FAP: variants seen among roughly 807,000 people sequenced by gnomAD.
The protein encoded by FAP is fibroblast activation protein alpha.
In FAP, 110 loss-of-function variants were observed where a neutral mutation model predicts 126.5. The ratio of observed to expected loss-of-function variants is 0.87; its 90% CI spans 0.74 to 1.02. The LOEUF (loss-of-function observed/expected upper bound fraction) is 1.02, where lower values mean the gene tolerates loss of function less well. Among genes scored for constraint, FAP ranks in the 50% least tolerant of loss-of-function variants. The pLI, the probability that FAP is intolerant of heterozygous loss-of-function variation, is 0.00. For synonymous variants in FAP, 334 were observed against 297.3 expected (o/e 1.12, Z -1.27); for missense variants, 919 against 909.2 (o/e 1.01, Z -0.14).
At chr2:162,218,813 A>G (rs1313284177) in intron 8 of FAP, among the ~76,000 whole-genome samples, 1 of 152,078 alleles carries the variant, frequency 6.6e-6, no homozygotes, top group African/African-American at 2.4e-5. Context: ...AGGACCATAT[A>G]CTTTTTTGGA....
chr2:162,213,659 A>G (rs924603247), intron 11 of FAP, among the ~76,000 whole-genome samples: 16 of 152,094 alleles, frequency 1.1e-4, no homozygotes, highest in African/African-American at 3.6e-4. Context: ...TTACCATTAT[A>G]ATTGAGAACC....
intron 21 of FAP, among the ~76,000 whole-genome samples, chr2:162,179,305 T>C (rs911226859): frequency 4.6e-5 from 7 of 151,848 alleles, no homozygotes; most frequent in African/African-American, 1.5e-4. Context: ...TACATAGAAT[T>C]TGTGATTTGC....
At chr2:162,197,607 A>G (rs1321872740) in intron 16 of FAP, 1 of 456,686 alleles carries the variant, frequency 2.2e-6, no homozygotes, top group Non-Finnish European at 4.4e-6. Flanking sequence ...TTGGGTTAAA[A>G]TGCTTATTCA....
At chr2:162,224,681 G>A (rs1689561966) in intron 4 of FAP, 141 bp from the exon 5 acceptor site, 2 of 513,764 alleles carry the variant, frequency 3.9e-6, no homozygotes, top group Non-Finnish European at 6.8e-6. Flanking sequence ...ATATTTTGTG[G>A]AACTTAACTA....
chr2:162,242,346 T>C (rs913345810), intron 2 of FAP, among the ~76,000 whole-genome samples: 5 of 152,190 alleles, frequency 3.3e-5, no homozygotes, highest in African/African-American at 1.2e-4. Flanking sequence ...TTATGACTGA[T>C]CAAAATGCTT....
rs1028210783 is a variant in FAP, at chr2:162,213,884, A to G, written c.1002+54T>C. ...AAATGTTAGCTATGGATGAGTCCCCACTATTGTGCCTTGATCTTCAGAAAT... is the reference window on the plus strand; with the variant it reads ...AAATGTTAGCTATGGATGAGTCCCCGCTATTGTGCCTTGATCTTCAGAAAT... On this transcript the variant is annotated intron_variant, in intron 11 of 25. Transcript: ENST00000188790. 7 of 1,566,700 alleles carry G rather than the reference A, an allele frequency of 4.5e-6. No individual in the cohort carries two copies. The African/African-American group carries it at 8.1e-5, about 18-fold the overall frequency.
Position 162,173,716 on chromosome 2 carries a change from C to T in FAP, c.2034+7G>A, listed in dbSNP as rs1191957259. The T allele has an allele frequency of 1.0e-5, 16 of 1,569,492 alleles. No homozygotes were observed. Among genetic ancestry groups the T allele is most frequent in the Non-Finnish European group, 1.4e-5 (16 of 1,140,330 alleles). ...ATTATTAACCTAAATAAAATGGAAA[C>T]ACTTACCTTATAGTGCTCAAGATTA... On this transcript the variant is annotated splice_region_variant and intron_variant, in intron 23 of 25. Transcript: ENST00000188790.
At position 162,215,923 on chromosome 2, in the gene FAP, G is replaced by A. The variant is rs140132856; in HGVS notation, c.841C>T (p.Pro281Ser). 17 of 1,613,738 alleles carry A rather than the reference G, an allele frequency of 1.1e-5. No homozygotes were observed. The African/African-American group carries it at 2.1e-4, about 20-fold the overall frequency. ...CTTGAGGCTATCATTGCTGGAACAG[G>A]CACTTCCTGGGGACCTACATACGCA... Reference protein sequence around the residue: ...YPAYVGPQEVPVPAMIASSDY... With the variant: ...YPAYVGPQEVSVPAMIASSDY... The change falls in exon 10 of 26, where the codon CCT (proline) becomes TCT (serine). Residue 281 changes from proline to serine, a missense_variant. Physicochemically the swap from Pro to Ser is moderately conservative, Grantham distance 74. Transcript: ENST00000188790.
At chr2:162,242,745 G>A (rs913282159) in intron 2 of FAP, among the ~76,000 whole-genome samples, 163 bp downstream of exon 2, 1 of 152,022 alleles carries the variant, frequency 6.6e-6, no homozygotes, top group Non-Finnish European at 1.5e-5. Context: ...AGTATTTCTG[G>A]TCTTGCACAA....
intron 21 of FAP, chr2:162,176,734 T>C (rs1314743375): frequency 1.3e-5 from 2 of 152,178 alleles, no homozygotes; most frequent in South Asian, 2.1e-4. Context: ...TACTGGGTCC[T>C]GCTTCTCCTT....
At chr2:162,218,596 GATAGATAA>G (rs1365204175) in intron 8 of FAP, among the ~76,000 whole-genome samples, 135 of 151,326 alleles carry the variant, frequency 8.9e-4, no homozygotes, top group African/African-American at 2.9e-3. Context: ...TAGATAGATA[GATAGATAA>G]ATAGATAGAG....
intron 11 of FAP, among the ~76,000 whole-genome samples, chr2:162,213,335 C>A (rs375555073): frequency 6.7e-6 from 1 of 149,702 alleles, no homozygotes; most frequent in African/African-American, 2.5e-5. Flanking sequence ...CAGATTGCGC[C>A]ACTGCACTCC....
chr2:162,225,682 CT>C (rs1689615956), intron 3 of FAP, 105 bp from the exon 4 acceptor site: 1 of 1,170,716 alleles, frequency 8.5e-7, no homozygotes, highest in Admixed American at 3.1e-5. Flanking sequence ...TGTTTTTCCT[CT>C]CTGTCCAGTA....
At chr2:162,201,970 G>A (rs1688515813) in intron 14 of FAP, among the ~76,000 whole-genome samples, 2 of 152,164 alleles carry the variant, frequency 1.3e-5, no homozygotes, top group Non-Finnish European at 2.9e-5. Context: ...CTGCTCCAAA[G>A]AAAGTCCAAA....
At chr2:162,241,060 A>G (rs537224717) in intron 2 of FAP, among the ~76,000 whole-genome samples, 3 of 152,352 alleles carry the variant, frequency 2.0e-5, no homozygotes, top group East Asian at 1.9e-4. Flanking sequence ...TTTAGCTGAC[A>G]TTCTGAGAAG....
At chr2:162,212,846 A>C (rs77694730) in intron 11 of FAP, among the ~76,000 whole-genome samples, 13 of 152,294 alleles carry the variant, frequency 8.5e-5, no homozygotes, top group Non-Finnish European at 1.6e-4. Flanking sequence ...GAACAGGCTT[A>C]TTTTAAAGCT....
intron 6 of FAP, among the ~76,000 whole-genome samples, chr2:162,221,946 A>G (rs1218845349): frequency 6.6e-6 from 1 of 151,984 alleles, no homozygotes; most frequent in Non-Finnish European, 1.5e-5. Flanking sequence ...ATTATGCTGT[A>G]TTTACCTGAC....
In FAP at chr2:162,196,664, A is replaced by G. The variant is rs541511496; in HGVS notation, c.1403-1916T>C. Among the ~76,000 whole-genome samples the G allele has an allele frequency of 3.3e-5, 5 of 152,200 alleles. No individual in the cohort carries two copies. The East Asian group carries it at 5.8e-4, about 18-fold the overall frequency. Reference sequence around the variant, plus strand: ...CTTTTGTTCCATCAGCATCATCGATATAATTTTACCTGTTTTGATCCTATC... The same window carrying G: ...CTTTTGTTCCATCAGCATCATCGATGTAATTTTACCTGTTTTGATCCTATC... On this transcript the variant is annotated intron_variant, in intron 16 of 25. Transcript: ENST00000188790.
At chr2:162,176,145 T>G (rs1176707834) in intron 21 of FAP, 1 of 151,966 alleles carries the variant, frequency 6.6e-6, no homozygotes, top group Non-Finnish European at 1.5e-5. Context: ...ACAGGGAGAA[T>G]GAGTGACAGT....
Sources: allele counts gnomAD v4.1 joint callset (sites outside exome capture counted in the v4.1 genomes callset), GRCh38; gene constraint gnomAD v4.1.1; transcripts MANE v1.5; gene names NCBI Gene and HGNC (gene_info 2026-07-23, HGNC 2026-07-21).